RSPRY1: variants seen among roughly 807,000 people sequenced by gnomAD.
The protein encoded by RSPRY1 is ring finger and SPRY domain containing 1, also known as RING finger and SPRY domain-containing protein 1.
A neutral mutation model predicts 73.1 loss-of-function variants in RSPRY1; 23 were observed. That is an observed-to-expected ratio of 0.31 (90% CI 0.23 to 0.45). The LOEUF (loss-of-function observed/expected upper bound fraction) is 0.45, where lower values mean the gene tolerates loss of function less well. RSPRY1 is among the 20% of genes least tolerant of loss of function. The probability of loss-of-function intolerance (pLI) is 1.00; values close to 1 mark genes in which losing one functional copy is unlikely to be tolerated. For synonymous variants in RSPRY1, 226 were observed against 251.4 expected, an observed-to-expected ratio of 0.90 and a Z score of 0.95; for missense variants, 448 against 698.7, an observed-to-expected ratio of 0.64 and a Z score of 4.05.
intron 2 of RSPRY1, 174 bp downstream of exon 2, chr16:57,205,182 G>A (rs1781297862): frequency 1.7e-6 from 1 of 582,496 alleles, no homozygotes; most frequent in Non-Finnish European, 3.0e-6. Context: ...AAGATTTGAT[G>A]TTTTTGCTTG....
chr16:57,209,907 C>G (rs2074802719), intron 4 of RSPRY1, among the ~76,000 whole-genome samples: 1 of 152,122 alleles, frequency 6.6e-6, no homozygotes, highest in Non-Finnish European at 1.5e-5. Context: ...AACTCCTGGG[C>G]TCAAGCAGTC....
intron 11 of RSPRY1, among the ~76,000 whole-genome samples, chr16:57,228,612 T>A (rs893295777): frequency 3.3e-5 from 5 of 152,132 alleles, no homozygotes; most frequent in Non-Finnish European, 5.9e-5. Flanking sequence ...AACACTTAAA[T>A]TTTATATATA....
At position 57,222,682 on chromosome 16, in the gene RSPRY1, C is replaced by T. The variant is rs2075057885; in HGVS notation, c.1161+1267C>T. ...AGAATTCAGTGGCCTTCCTATTCTA[C>T]AACAGTTGTTTTCTTTGTATTCAAA... On this transcript the variant is annotated intron_variant, in intron 10 of 14. Transcript: ENST00000394420. Among the ~76,000 whole-genome samples the T allele has an allele frequency of 4.6e-5, 7 of 152,220 alleles. No individual in the cohort carries two copies. In the South Asian group the frequency reaches 1.5e-3, roughly 32 times the overall value.
intron 1 of RSPRY1, among the ~76,000 whole-genome samples, chr16:57,202,821 CTT>C (rs2074644831): frequency 6.7e-6 from 1 of 150,176 alleles, no homozygotes; most frequent in African/African-American, 2.4e-5. Context: ...CCATTCCATT[CTT>C]TTCTCTCCCT....
At chr16:57,208,984 C>T (rs1293712124) in intron 3 of RSPRY1, 91 bp from the exon 4 acceptor site, 6 of 837,540 alleles carry the variant, frequency 7.2e-6, no homozygotes, top group Non-Finnish European at 1.1e-5. Flanking sequence ...GACCAAAAGT[C>T]TTTCTTTTAA....
chr16:57,216,839 T>G, intron 7 of RSPRY1, 65 bp from the exon 8 acceptor site: 1 of 1,489,074 alleles, frequency 6.7e-7, no homozygotes, highest in South Asian at 1.1e-5. Context: ...TTAGCAATAC[T>G]AATTTGCTGA....
chr16:57,235,059 A>T, intron 13 of RSPRY1, 65 bp from the exon 14 acceptor site: 1 of 1,128,378 alleles, frequency 8.9e-7, no homozygotes, highest in Non-Finnish European at 1.3e-6. Context: ...AAAACATTTC[A>T]TATGCATCAC....
chr16:57,238,684 C>T (rs1291910887), intron 14 of RSPRY1, among the ~76,000 whole-genome samples, 195 bp from the exon 15 acceptor site: 1 of 152,120 alleles, frequency 6.6e-6, no homozygotes, highest in African/African-American at 2.4e-5. Flanking sequence ...TTTACTTGTT[C>T]CACAGACTAA....
intron 4 of RSPRY1, 111 bp downstream of exon 4, chr16:57,209,298 G>A: frequency 3.0e-6 from 2 of 676,696 alleles, no homozygotes; most frequent in Non-Finnish European, 5.1e-6. Context: ...TTTGGGGTCT[G>A]TTTTATTCAG....
intron 1 of RSPRY1, among the ~76,000 whole-genome samples, chr16:57,198,036 A>T (rs1333192812): frequency 6.6e-6 from 1 of 152,038 alleles, no homozygotes; most frequent in Non-Finnish European, 1.5e-5. Context: ...TATCAGATTT[A>T]GTCAGATTTT....
At chr16:57,223,293 C>T (rs1354547864) in intron 10 of RSPRY1, among the ~76,000 whole-genome samples, 2 of 152,186 alleles carry the variant, frequency 1.3e-5, no homozygotes, top group African/African-American at 4.8e-5. Flanking sequence ...GTGCCTCTTA[C>T]TTGAATTCTT....
At chr16:57,205,832 A>G (rs756345428) in intron 2 of RSPRY1, among the ~76,000 whole-genome samples, 4 of 152,232 alleles carry the variant, frequency 2.6e-5, no homozygotes, top group Non-Finnish European at 5.9e-5. Context: ...TCATGAGATA[A>G]TGTACATAAG....
chr16:57,195,755 G>A (rs1465699406), intron 1 of RSPRY1, among the ~76,000 whole-genome samples: 1 of 151,404 alleles, frequency 6.6e-6, no homozygotes. Context: ...AGGCACGGTG[G>A]CTCACACCTG....
At chr16:57,192,152 G>A (rs1000637311) in intron 1 of RSPRY1, among the ~76,000 whole-genome samples, 1 of 152,190 alleles carries the variant, frequency 6.6e-6, no homozygotes, top group Non-Finnish European at 1.5e-5. Flanking sequence ...TGAGTATGCA[G>A]TATGAGTGTT....
rs577780961 is a variant in RSPRY1, at chr16:57,221,450, G to A, written c.1161+35G>A. On this transcript the variant is annotated intron_variant, in intron 10 of 14. Transcript: ENST00000394420. ...CTAGAGAACTGTGAAAATGGGAGCA[G>A]TGGCAGTTTGCTTTTTCCCCCTAGT... is the stretch of plus-strand genomic sequence containing the variant. 6 of 1,573,380 alleles carry A rather than the reference G, an allele frequency of 3.8e-6. No homozygotes were observed. The South Asian group carries it at 4.6e-5, about 12-fold the overall frequency.
At chr16:57,187,828 T>C (rs1465641787) in intron 1 of RSPRY1, among the ~76,000 whole-genome samples, 2 of 152,194 alleles carry the variant, frequency 1.3e-5, no homozygotes, top group East Asian at 3.8e-4. Flanking sequence ...GATGGTGGGA[T>C]TTCCAGCTTT....
At chr16:57,193,479 G>A (rs2146167232) in intron 1 of RSPRY1, among the ~76,000 whole-genome samples, 1 of 146,622 alleles carries the variant, frequency 6.8e-6, no homozygotes, top group East Asian at 2.0e-4. Context: ...GGTCTTTGGG[G>A]TGTTCTGCAG....
At chr16:57,204,178 A>G (rs1438610354) in intron 1 of RSPRY1, among the ~76,000 whole-genome samples, 9 of 150,352 alleles carry the variant, frequency 6.0e-5, no homozygotes, top group Non-Finnish European at 1.5e-5. Flanking sequence ...GGAGCCCTTG[A>G]AAAAAAATGC....
chr16:57,205,656 G>A (rs1373960181), intron 2 of RSPRY1, among the ~76,000 whole-genome samples: 2 of 152,290 alleles, frequency 1.3e-5, no homozygotes, highest in South Asian at 4.1e-4. Context: ...TTAACTTAAG[G>A]TTGTATATTT....
Sources: allele counts gnomAD v4.1 joint callset (sites outside exome capture counted in the v4.1 genomes callset), GRCh38; gene constraint gnomAD v4.1.1; transcripts MANE v1.5; gene names NCBI Gene and HGNC (gene_info 2026-07-23, HGNC 2026-07-21).